The following PNKD variants were observed in gnomAD, a reference collection of about 807,000 sequenced individuals.
The protein encoded by PNKD is probable thioesterase PNKD.
In PNKD, 36 loss-of-function variants were observed where a neutral mutation model predicts 45.3. The observed-to-expected ratio is 0.80, with a 90% CI of 0.61 to 1.05. The LOEUF (loss-of-function observed/expected upper bound fraction) is 1.05, where lower values mean the gene tolerates loss of function less well. Among genes scored for constraint, PNKD ranks in the 50% least tolerant of loss-of-function variants. The pLI, the probability that PNKD is intolerant of heterozygous loss-of-function variation, is 0.00. For missense variants in PNKD, 511 were observed against 506.6 expected, an observed-to-expected ratio of 1.01 and a Z score of -0.08; for synonymous variants, 197 against 210.1, an observed-to-expected ratio of 0.94 and a Z score of 0.54.
At chr2:218,322,989 G>A (rs536768297) in intron 2 of PNKD, among the ~76,000 whole-genome samples, 5 of 152,232 alleles carry the variant, frequency 3.3e-5, no homozygotes, top group African/African-American at 1.2e-4. Context: ...TCAGGCGACT[G>A]TGGACCCCGA....
At chr2:218,323,854 C>T (rs10194082) in intron 2 of PNKD, among the ~76,000 whole-genome samples, 71,580 of 152,006 alleles carry the variant, frequency 0.47, 19,856 homozygotes, top group South Asian at 0.63. Flanking sequence ...ATGCCTCCCA[C>T]CGTCTGACAT....
intron 2 of PNKD, among the ~76,000 whole-genome samples, chr2:218,294,535 T>A (rs1693096067): frequency 6.6e-6 from 1 of 152,224 alleles, no homozygotes; most frequent in African/African-American, 2.4e-5. Context: ...CTCTGTGCAA[T>A]GGCACAATTG....
chr2:218,280,100 C>G (rs1184720146), intron 2 of PNKD: 1 of 1,614,028 alleles, frequency 6.2e-7, no homozygotes, highest in Non-Finnish European at 8.5e-7. Context: ...ACTGCTCTCT[C>G]CTCCCCATCA....
chr2:218,321,423 C>A (rs532381005), intron 2 of PNKD, among the ~76,000 whole-genome samples: 1 of 152,004 alleles, frequency 6.6e-6, no homozygotes, highest in Non-Finnish European at 1.5e-5. Context: ...TAATTACAGG[C>A]GAGGAGACAG....
At chr2:218,330,523 CT>C (rs1694288851) in intron 2 of PNKD, among the ~76,000 whole-genome samples, 1 of 152,234 alleles carries the variant, frequency 6.6e-6, no homozygotes, top group African/African-American at 2.4e-5. Flanking sequence ...ACTGGAGGTG[CT>C]GGTGCTGTCT....
chr2:218,289,110 T>TGAATAGGCAGCACCAGGGTGGGGCCTTG (rs1692748126), intron 2 of PNKD, among the ~76,000 whole-genome samples: 1 of 152,226 alleles, frequency 6.6e-6, no homozygotes, highest in African/African-American at 2.4e-5. Context: ...CGCACCTGCG[T>TGAATAGGCAGCACCAGGGTGGGGCCTTG]GAATAGGCAG....
intron 2 of PNKD, among the ~76,000 whole-genome samples, chr2:218,328,636 C>T (rs568460838): frequency 1.3e-4 from 20 of 152,300 alleles, no homozygotes; most frequent in African/African-American, 4.6e-4. Flanking sequence ...TAAGATGCAC[C>T]TCCCTCAAAC....
intron 2 of PNKD, among the ~76,000 whole-genome samples, chr2:218,337,137 C>T (rs1234571800): frequency 6.7e-6 from 1 of 149,242 alleles, no homozygotes. Context: ...GATGGAGTCT[C>T]ACTCTGTCGC....
At chr2:218,294,785 T>A (rs1019058844) in intron 2 of PNKD, among the ~76,000 whole-genome samples, 4 of 152,216 alleles carry the variant, frequency 2.6e-5, no homozygotes, top group African/African-American at 9.6e-5. Flanking sequence ...GCCACCAGCT[T>A]CTTTTCTAAG....
intron 2 of PNKD, among the ~76,000 whole-genome samples, chr2:218,307,930 G>C (rs970931765): frequency 1.3e-5 from 2 of 152,130 alleles, no homozygotes; most frequent in Non-Finnish European, 2.9e-5. Flanking sequence ...TGACCTTCAA[G>C]GGGACAGCGC....
Position 218,312,565 on chromosome 2 carries a change from T to TAAA in PNKD, c.237-27204_237-27202dup, listed in dbSNP as rs5838691. ...CAGGATCTGCCACACCCATGTTGTT[T>TAAA]AAAAAAAAAAAAAAAAGAAAACCTG... On this transcript the variant is annotated intron_variant, in intron 2 of 9. Coordinates refer to ENST00000273077, the MANE Select transcript of PNKD (RefSeq NM_015488.5). 4.9e-4 allele frequency among the ~76,000 whole-genome samples: 69 copies of TAAA among 141,470 alleles called. 2 individuals are homozygous for TAAA. The South Asian group carries it at 7.2e-3, about 15-fold the overall frequency. The allele number at this position is 141,470 out of a possible 152,430, so 92.8% of individuals were successfully genotyped here.
chr2:218,322,259 C>A (rs989412164), intron 2 of PNKD, among the ~76,000 whole-genome samples: 1 of 152,202 alleles, frequency 6.6e-6, no homozygotes, highest in Admixed American at 6.5e-5. Context: ...CCCTTCCTGT[C>A]CTGGGCCAGA....
At chr2:218,273,660 TTTG>T (rs1051643857) in intron 2 of PNKD, among the ~76,000 whole-genome samples, 1 of 151,516 alleles carries the variant, frequency 6.6e-6, no homozygotes, top group African/African-American at 2.4e-5. Flanking sequence ...TTTTTTTTTT[TTTG>T]TACTTTTAGT....
intron 2 of PNKD, among the ~76,000 whole-genome samples, chr2:218,309,795 C>T (rs1177321969): frequency 1.9e-4 from 29 of 151,780 alleles, no homozygotes; most frequent in Admixed American, 1.9e-3. Context: ...ATTAGCCGAG[C>T]GTGGTGGTGC....
rs13396404 is a variant in PNKD at position 218,275,900 on chromosome 2, A to G, written c.236+4351A>G. On this transcript the variant is annotated intron_variant, in intron 2 of 9. Transcript: ENST00000273077. Reference sequence around the variant, plus strand: ...AAAATCAATGGAATCTCTGGACAGTAGTGAGAGGAATGGCCTGCTATGGCC... The same window carrying G: ...AAAATCAATGGAATCTCTGGACAGTGGTGAGAGGAATGGCCTGCTATGGCC... The G allele has an allele frequency of 0.016, 18,785 of 1,156,760 alleles. 2,103 individuals carry two copies. In the African/African-American group the frequency reaches 0.25, roughly 16 times the overall value. The allele number at this position is 1,156,760 out of a possible 1,614,324, so 71.7% of individuals were successfully genotyped here.
At chr2:218,271,226 T>C in intron 1 of PNKD, 155 bp from the exon 2 acceptor site, 1 of 750,716 alleles carries the variant, frequency 1.3e-6, no homozygotes, top group Admixed American at 1.9e-5. Context: ...TTTTCCCATT[T>C]CCCTTTGGAT....
intron 2 of PNKD, among the ~76,000 whole-genome samples, chr2:218,324,056 G>A (rs559840674): frequency 6.6e-6 from 1 of 152,254 alleles, no homozygotes; most frequent in South Asian, 2.1e-4. Flanking sequence ...AACTGACTCT[G>A]CCCACTTTTC....
chr2:218,280,024 A>C, intron 2 of PNKD: 11 of 1,613,758 alleles, frequency 6.8e-6, no homozygotes, highest in Non-Finnish European at 8.5e-6. Flanking sequence ...CGCGTATCTT[A>C]CCTTTCGGAT....
chr2:218,332,043 C>A lies in PNKD; in HGVS notation c.237-7740C>A, dbSNP rs528658854. 1.1e-4 allele frequency among the ~76,000 whole-genome samples: 16 copies of A among 152,282 alleles called. No individual in the cohort carries two copies. In the East Asian group the frequency reaches 3.1e-3, roughly 29 times the overall value. On this transcript the variant is annotated intron_variant, in intron 2 of 9. Transcript: ENST00000273077. ...GGGAGGAGGCAGTCCCTGCTGTGGT[C>A]TCAGTTTCCAGAAGGCCTGACTGGA...
Sources: gnomAD v4.1 joint callset for allele counts (sites outside exome capture counted in the v4.1 genomes callset) on GRCh38, gnomAD v4.1.1 for gene constraint, MANE v1.5 for transcripts, NCBI Gene and HGNC (gene_info 2026-07-23, HGNC 2026-07-21) for gene names.